Variants in CROT observed in about 807,000 individuals in gnomAD.
CROT encodes peroxisomal carnitine O-octanoyltransferase.
Under a neutral mutation model 89.2 loss-of-function variants are expected in CROT, and 84 were observed. The observed-to-expected ratio is 0.94, with a 90% CI of 0.79 to 1.13. CROT has a LOEUF of 1.13. Ranked by LOEUF, CROT falls within the 50% of genes most tolerant of loss-of-function variation. The pLI, the probability that CROT is intolerant of heterozygous loss-of-function variation, is 0.00. For missense variants in CROT, 711 were observed against 727.8 expected (o/e 0.98, Z 0.27); for synonymous variants, 212 against 239.5 (o/e 0.89, Z 1.06).
At chr7:87,392,696 T>G (rs1562940132) in intron 15 of CROT, 34 bp from the exon 16 acceptor site, 1 of 1,611,298 alleles carries the variant, frequency 6.2e-7, no homozygotes, top group South Asian at 1.1e-5. Flanking sequence ...GTGAAAAATT[T>G]TTTTCTAACC....
intron 4 of CROT, 179 bp downstream of exon 4, chr7:87,359,509 A>G (rs1343749050): frequency 2.2e-6 from 3 of 1,353,820 alleles, no homozygotes; most frequent in African/African-American, 3.0e-5. Flanking sequence ...GGATTCGGGA[A>G]CTTGTTAAAA....
intron 13 of CROT, among the ~76,000 whole-genome samples, chr7:87,385,936 A>G (rs1469925388): frequency 6.6e-6 from 1 of 152,192 alleles, no homozygotes; most frequent in Non-Finnish European, 1.5e-5. Context: ...TATTGAAATG[A>G]TTATAGGGTT....
At chr7:87,384,961 G>T (rs1807142646) in intron 13 of CROT, among the ~76,000 whole-genome samples, 1 of 152,024 alleles carries the variant, frequency 6.6e-6, no homozygotes, top group Non-Finnish European at 1.5e-5. Flanking sequence ...GCCATTTATT[G>T]AAGAGCCTGT....
At chr7:87,352,027 C>G (rs1805883200) in intron 3 of CROT, among the ~76,000 whole-genome samples, 1 of 152,086 alleles carries the variant, frequency 6.6e-6, no homozygotes, top group African/African-American at 2.4e-5. Flanking sequence ...TTTTGTCAAT[C>G]TTATGATTTC....
chr7:87,349,467 G>A (rs1805803363), intron 3 of CROT, among the ~76,000 whole-genome samples: 1 of 152,190 alleles, frequency 6.6e-6, no homozygotes, highest in Non-Finnish European at 1.5e-5. Flanking sequence ...CTGTGCCTAT[G>A]TGAGGGTGAG....
chr7:87,373,250 G>A (rs1806696892), intron 7 of CROT, among the ~76,000 whole-genome samples: 1 of 152,086 alleles, frequency 6.6e-6, no homozygotes, highest in South Asian at 2.1e-4. Flanking sequence ...TTGGAGAGAT[G>A]TCTAATCAGA....
intron 3 of CROT, among the ~76,000 whole-genome samples, chr7:87,358,649 C>T (rs1256761323): frequency 6.6e-6 from 1 of 151,462 alleles, no homozygotes; most frequent in Non-Finnish European, 1.5e-5. Flanking sequence ...ATTTATTATC[C>T]ATTAAGTGGA....
At chr7:87,369,557 TTGC>T in intron 7 of CROT, 73 bp downstream of exon 7, 1 of 910,370 alleles carries the variant, frequency 1.1e-6, no homozygotes. Flanking sequence ...ATGTTTAGAA[TTGC>T]CTTTCAAGGT....
At chr7:87,350,296 C>A (rs1805826623) in intron 3 of CROT, among the ~76,000 whole-genome samples, 1 of 152,102 alleles carries the variant, frequency 6.6e-6, no homozygotes, top group African/African-American at 2.4e-5. Context: ...CCTCCCTTGG[C>A]TGCAGTTAAA....
At chr7:87,378,327 C>CAGACTGAG (rs1263252682) in intron 10 of CROT, among the ~76,000 whole-genome samples, 1 of 124,568 alleles carries the variant, frequency 8.0e-6, no homozygotes, top group East Asian at 2.3e-4. Flanking sequence ...GCCTGGGAAA[C>CAGACTGAG]AGACTGAGAC....
intron 13 of CROT, among the ~76,000 whole-genome samples, chr7:87,390,456 A>G (rs1807323335): frequency 6.6e-6 from 1 of 152,160 alleles, no homozygotes. Flanking sequence ...TTTTAGTGCT[A>G]TTTAAAAATA....
chr7:87,368,814 G>A (rs962245028), intron 6 of CROT, among the ~76,000 whole-genome samples: 3 of 152,218 alleles, frequency 2.0e-5, no homozygotes, highest in Non-Finnish European at 4.4e-5. Flanking sequence ...TTCTTGGGGA[G>A]TTAAGGTGTG....
At position 87,361,825 on chromosome 7, in the gene CROT, G is replaced by A. The variant is rs780757962; in HGVS notation, c.520G>A (p.Asp174Asn). ...CTGCAAGGTTCCAGGAATTACTAGA[G>A]ACTCCATTATGAATTATTTTAGGAC... ...STCKVPGITR[D>N]SIMNYFRTES... The change falls in exon 6 of 18, where the codon GAC becomes AAC. Residue 174 changes from aspartate (D) to asparagine (N), a missense_variant. By Grantham distance (23) the Asp-to-Asn change is conservative (BLOSUM62 1). Coordinates refer to ENST00000331536, the MANE Select transcript of CROT (RefSeq NM_021151.4). The A allele has an allele frequency of 5.6e-6, 9 of 1,603,720 alleles. No individual in the cohort carries two copies. Among genetic ancestry groups the A allele is most frequent in the Admixed American group, 1.7e-5 (1 of 57,442 alleles).
intron 17 of CROT, among the ~76,000 whole-genome samples, chr7:87,397,697 A>T (rs1807583414): frequency 1.3e-5 from 2 of 152,196 alleles, no homozygotes; most frequent in African/African-American, 4.8e-5. Context: ...CTGCAAATAT[A>T]ATCCACTCAG....
Position 87,375,615 on chromosome 7 carries a change from T to C in CROT, c.657-17T>C, listed in dbSNP as rs1465533099. 2 of 1,591,736 alleles carry C rather than the reference T, an allele frequency of 1.3e-6. No homozygotes were observed. The highest frequency in any genetic ancestry group is 1.7e-6 in the Non-Finnish European group (2 of 1,160,932). On this transcript the variant is annotated splice_polypyrimidine_tract_variant and intron_variant, in intron 7 of 17. Coordinates refer to ENST00000331536, the MANE Select transcript of CROT (RefSeq NM_021151.4). ...CTGCCTGTACTCTTTTTTAATCTTC[T>C]TTTCATCTTCCATAAGACAACTGAC... is the stretch of plus-strand genomic sequence containing the variant.
intron 6 of CROT, among the ~76,000 whole-genome samples, chr7:87,362,304 C>CTTTTTTTTTTTTTTT (rs1237429320): frequency 7.6e-6 from 1 of 132,340 alleles, no homozygotes; most frequent in African/African-American, 2.9e-5. Context: ...GTCACTCTTC[C>CTTTTTTTTTTTTTTT]TTTTTTTTTT....
At chr7:87,388,281 A>G (rs565087572) in intron 13 of CROT, among the ~76,000 whole-genome samples, 1 of 152,226 alleles carries the variant, frequency 6.6e-6, no homozygotes, top group Non-Finnish European at 1.5e-5. Context: ...ACTACTTTAA[A>G]TTTCATATGG....
chr7:87,355,072 T>C (rs1219989824), intron 3 of CROT, among the ~76,000 whole-genome samples: 1 of 151,410 alleles, frequency 6.6e-6, no homozygotes, highest in Non-Finnish European at 1.5e-5. Context: ...AAGTATTCCC[T>C]TCTGTATAAC....
At chr7:87,390,907 T>C (rs1195849158) in intron 13 of CROT, among the ~76,000 whole-genome samples, 1 of 152,226 alleles carries the variant, frequency 6.6e-6, no homozygotes, top group Non-Finnish European at 1.5e-5. Context: ...GGTCAGTAAT[T>C]TTATATCACA....
Sources: gnomAD v4.1 joint callset for allele counts (sites outside exome capture counted in the v4.1 genomes callset) on GRCh38, gnomAD v4.1.1 for gene constraint, MANE v1.5 for transcripts, NCBI Gene and HGNC (gene_info 2026-07-23, HGNC 2026-07-21) for gene names.